The following VMP1 variants were observed in gnomAD, a reference collection of about 807,000 sequenced individuals.
VMP1 encodes vacuole membrane protein 1, also known as ectopic P-granules autophagy protein 3 homolog.
In VMP1, 11 loss-of-function variants were observed where a neutral mutation model predicts 56.0. The observed-to-expected ratio is 0.20, with a 90% CI of 0.12 to 0.32. The LOEUF (loss-of-function observed/expected upper bound fraction) is 0.32. Ranked by LOEUF, VMP1 falls within the 10% of genes least tolerant of loss-of-function variation. The pLI, the probability that VMP1 is intolerant of heterozygous loss-of-function variation, is 1.00. For missense variants in VMP1, 296 were observed against 490.3 expected, an observed-to-expected ratio of 0.60 and a Z score of 3.74; for synonymous variants, 149 against 165.0, an observed-to-expected ratio of 0.90 and a Z score of 0.74.
At chr17:59,829,572 T>A (rs1398457977) in intron 10 of VMP1, among the ~76,000 whole-genome samples, 2 of 152,248 alleles carry the variant, frequency 1.3e-5, no homozygotes, top group Non-Finnish European at 2.9e-5. Flanking sequence ...ATTAAAATAC[T>A]AGCCGTTAAG....
chr17:59,728,817 CAT>C (rs1183765293), intron 1 of VMP1, among the ~76,000 whole-genome samples: 1 of 152,014 alleles, frequency 6.6e-6, no homozygotes, highest in Non-Finnish European at 1.5e-5. Context: ...TTTATTGAAA[CAT>C]AATTCACATA....
chr17:59,832,378 T>C (rs987953235), intron 10 of VMP1, among the ~76,000 whole-genome samples: 6 of 151,870 alleles, frequency 4.0e-5, no homozygotes, highest in Non-Finnish European at 8.8e-5. Context: ...TTGCCCAGGC[T>C]GGTCTCGAAC....
At chr17:59,780,100 G>A (rs539717241) in intron 7 of VMP1, among the ~76,000 whole-genome samples, 2 of 152,142 alleles carry the variant, frequency 1.3e-5, no homozygotes, top group East Asian at 1.9e-4. Context: ...TCTTTGAGTC[G>A]TGGAAACCAG....
intron 1 of VMP1, among the ~76,000 whole-genome samples, chr17:59,724,617 A>G (rs1444113425): frequency 6.6e-6 from 1 of 152,128 alleles, no homozygotes; most frequent in Admixed American, 6.5e-5. Context: ...GGTTGCAGTG[A>G]GCCAATATTG....
chr17:59,710,837 G>A (rs576615624), intron 1 of VMP1, among the ~76,000 whole-genome samples: 1 of 152,152 alleles, frequency 6.6e-6, no homozygotes, highest in African/African-American at 2.4e-5. Flanking sequence ...TTGGGAGGCC[G>A]AGGCGGGAAG....
chr17:59,803,836 T>C (rs1374907264), intron 7 of VMP1, among the ~76,000 whole-genome samples: 1 of 152,160 alleles, frequency 6.6e-6, no homozygotes, highest in Admixed American at 6.5e-5. Context: ...ATTTAGTTTT[T>C]CTTAAAAATA....
At chr17:59,782,793 T>C (rs1286576837) in intron 7 of VMP1, among the ~76,000 whole-genome samples, 1 of 140,290 alleles carries the variant, frequency 7.1e-6, no homozygotes, top group African/African-American at 2.7e-5. Context: ...AGCCCTGTAG[T>C]AGAGTAAGTT....
intron 7 of VMP1, among the ~76,000 whole-genome samples, chr17:59,795,955 AT>A (rs770008861): frequency 1.1e-4 from 17 of 152,192 alleles, no homozygotes; most frequent in Non-Finnish European, 2.2e-4. Flanking sequence ...AACCTAAAAG[AT>A]TTAGTGTTAT....
At chr17:59,724,883 A>G (rs921656975) in intron 1 of VMP1, among the ~76,000 whole-genome samples, 2 of 151,296 alleles carry the variant, frequency 1.3e-5, no homozygotes, top group Admixed American at 1.3e-4. Flanking sequence ...GGAGAATGGC[A>G]TGAACCCGGG....
In VMP1 at chr17:59,839,892, CAG is replaced by C; in HGVS notation, c.1205_1206del (p.Glu402GlyfsTer4). 2 of 1,611,676 alleles carry C rather than the reference CAG, an allele frequency of 1.2e-6. No homozygotes were observed. The highest frequency in any genetic ancestry group is 1.7e-6 in the Non-Finnish European group (2 of 1,179,600). The stretch of plus-strand genomic sequence containing the variant: ...AAACGAATCCAGCAGCGGTTGAACT[CAG>C]AGGAGAAAACTAAATAAGTAGAGAA... On this transcript the variant is annotated frameshift_variant, in exon 12 of 12. Coordinates refer to ENST00000262291, the MANE Select transcript of VMP1 (RefSeq NM_030938.5). LOFTEE classifies it high-confidence loss of function.
In VMP1 at chr17:59,841,773, TTGTC is replaced by T. The variant is rs537258457; in HGVS notation, c.*1865_*1868del. The T allele has an allele frequency of 1.3e-5, 2 of 152,324 alleles. No homozygotes were observed. Among genetic ancestry groups the T allele is most frequent in the African/African-American group, 4.8e-5 (2 of 41,446 alleles). The allele number at this position is 152,324 out of a possible 1,614,324, so 9.4% of individuals were successfully genotyped here. ...CTTTCACCTGCATTTTATTTGGTGTTTGTCTGAAGAAAGGAAAGAGGAAAGCAAA... is the reference window on the plus strand; with the variant it reads ...CTTTCACCTGCATTTTATTTGGTGTTTGAAGAAAGGAAAGAGGAAAGCAAA... On this transcript the variant is annotated 3_prime_UTR_variant, in exon 12 of 12. Coordinates refer to ENST00000262291, the MANE Select transcript of VMP1 (RefSeq NM_030938.5).
intron 10 of VMP1, among the ~76,000 whole-genome samples, chr17:59,821,849 CT>C (rs1264565615): frequency 4.2e-4 from 59 of 139,392 alleles, no homozygotes; most frequent in Non-Finnish European, 4.5e-4. Context: ...TGCACCTGGC[CT>C]TTTTTTTTTT....
chr17:59,817,750 G>A lies in VMP1; in HGVS notation c.951G>A (p.Val317=). The A allele has an allele frequency of 6.2e-7, 1 of 1,607,944 alleles. No individual in the cohort carries two copies. ...FVIITFSKHI[V]EQMVAFIGAV... ...TAATAACATTCAGCAAGCACATAGT[G>A]GAGCAAATGGTGGCTTTCATTGGGT... Residue 317 remains valine (V), a synonymous_variant, in exon 10 of 12, where the codon GTG becomes GTA. Transcript: ENST00000262291.
chr17:59,838,288 C>A lies in VMP1; in HGVS notation c.975-7C>A. ...TTTTTCTTTGGGCTACTGTACCCTG[C>A]TTCCAGTGCTGTCCCCGGCATAGGT... On this transcript the variant is annotated splice_region_variant and splice_polypyrimidine_tract_variant and intron_variant, in intron 10 of 11. Coordinates refer to ENST00000262291, the MANE Select transcript of VMP1 (RefSeq NM_030938.5). 2 of 1,613,468 alleles carry A rather than the reference C, an allele frequency of 1.2e-6. No individual in the cohort carries two copies. Among genetic ancestry groups the A allele is most frequent in the Non-Finnish European group, 1.7e-6 (2 of 1,179,600 alleles).
intron 5 of VMP1, among the ~76,000 whole-genome samples, chr17:59,755,974 T>G (rs2035827565): frequency 6.6e-6 from 1 of 152,146 alleles, no homozygotes; most frequent in Non-Finnish European, 1.5e-5. Flanking sequence ...TGGGCTCAAG[T>G]GATCCTGCTG....
intron 2 of VMP1, among the ~76,000 whole-genome samples, chr17:59,732,733 TA>T (rs2034878862): frequency 6.6e-6 from 1 of 152,206 alleles, no homozygotes; most frequent in Non-Finnish European, 1.5e-5. Context: ...TCTTTCCTTT[TA>T]GAGAGCACAT....
intron 6 of VMP1, among the ~76,000 whole-genome samples, chr17:59,766,361 G>A (rs755693621): frequency 1.3e-5 from 2 of 152,036 alleles, no homozygotes; most frequent in Non-Finnish European, 2.9e-5. Context: ...CAGATTAGCC[G>A]GGCGTGGTGG....
In VMP1 at chr17:59,788,941, CT is replaced by C. The variant is rs60173361; in HGVS notation, c.714+15069del. Reference sequence around the variant, plus strand: ...TAGGTTACCTTTGTTAAACTAAAGTCTTTTTTTTTTTTTCAGGTTTGTGTTT... The same window carrying C: ...TAGGTTACCTTTGTTAAACTAAAGTCTTTTTTTTTTTTCAGGTTTGTGTTT... On this transcript the variant is annotated intron_variant, in intron 7 of 11. Coordinates refer to ENST00000262291, the MANE Select transcript of VMP1 (RefSeq NM_030938.5). Among the ~76,000 whole-genome samples, 248 of 143,450 alleles carry C rather than the reference CT, an allele frequency of 1.7e-3. 1 individual carries two copies. Among genetic ancestry groups the C allele is most frequent in the South Asian group, 6.1e-3 (28 of 4,554 alleles). 94.1% of individuals were successfully genotyped at this position (143,450 alleles called of 152,430 possible).
intron 5 of VMP1, among the ~76,000 whole-genome samples, chr17:59,762,420 A>G (rs1280709452): frequency 6.6e-6 from 1 of 152,236 alleles, no homozygotes; most frequent in Non-Finnish European, 1.5e-5. Flanking sequence ...TAGAAAATAT[A>G]CTTTAAAAGT....
Sources: gnomAD v4.1 joint callset for allele counts (sites outside exome capture counted in the v4.1 genomes callset) on GRCh38, gnomAD v4.1.1 for gene constraint, MANE v1.5 for transcripts, NCBI Gene and HGNC (gene_info 2026-07-23, HGNC 2026-07-21) for gene names.